The following CYSLTR2 variants were observed in gnomAD, a reference collection of about 807,000 sequenced individuals.
The protein encoded by CYSLTR2 is G-protein coupled receptor GPCR21.
For synonymous variants in CYSLTR2, 179 were observed against 160.8 expected (o/e 1.11, Z -0.86); for missense variants, 398 against 411.9 (o/e 0.97, Z 0.29).
chr13:48,698,364 T>G (rs376177837), intron 4 of CYSLTR2, among the ~76,000 whole-genome samples: 1 of 152,078 alleles, frequency 6.6e-6, no homozygotes, highest in South Asian at 2.1e-4. Context: ...GGGGGCCAAT[T>G]TTCAACATTC....
At chr13:48,673,342 C>T (rs1011383338) in intron 1 of CYSLTR2, among the ~76,000 whole-genome samples, 4 of 150,880 alleles carry the variant, frequency 2.7e-5, no homozygotes, top group African/African-American at 4.9e-5. Flanking sequence ...TTGCATTGAT[C>T]GCTTTATCAT....
chr13:48,706,523 A>C, intron 4 of CYSLTR2: 1 of 302,746 alleles, frequency 3.3e-6, no homozygotes, highest in Non-Finnish European at 6.1e-6. Context: ...TATCATAGTA[A>C]GGTATTCATG....
intron 1 of CYSLTR2, among the ~76,000 whole-genome samples, chr13:48,656,667 G>T (rs1293932142): frequency 6.6e-6 from 1 of 152,114 alleles, no homozygotes; most frequent in African/African-American, 2.4e-5. Context: ...GTACATGATG[G>T]TTACCTTGGG....
intron 4 of CYSLTR2, among the ~76,000 whole-genome samples, chr13:48,705,324 A>G (rs1468874891): frequency 6.6e-6 from 1 of 152,270 alleles, no homozygotes; most frequent in South Asian, 2.1e-4. Flanking sequence ...AGTGTTTGTT[A>G]TAGGCGGTAC....
At chr13:48,696,845 C>T (rs112006455) in intron 4 of CYSLTR2, among the ~76,000 whole-genome samples, 2,925 of 152,306 alleles carry the variant, frequency 0.019, 81 homozygotes, top group African/African-American at 0.06. Context: ...GATTATATCC[C>T]GCACATGGCT....
intron 3 of CYSLTR2, among the ~76,000 whole-genome samples, chr13:48,695,144 A>G (rs930819168): frequency 7.8e-6 from 1 of 128,784 alleles, no homozygotes; most frequent in Non-Finnish European, 1.6e-5. Context: ...GTGTGATCAC[A>G]GTTCACTTCA....
rs149867791 is a variant in CYSLTR2, at chr13:48,658,695, G to A, written c.-266+4678G>A. The stretch of plus-strand genomic sequence containing the variant: ...GAAACCTGAGACTGGGTAAGCAATA[G>A]CCAGGAAATGAGCTGGAGCTCAGAA... On this transcript the variant is annotated intron_variant, in intron 1 of 4. Transcript: ENST00000682523. Among the ~76,000 whole-genome samples the A allele has an allele frequency of 2.8e-3, 430 of 152,314 alleles. 1 individual carries two copies. Among genetic ancestry groups the A allele is most frequent in the Admixed American group, 4.7e-3 (72 of 15,300 alleles).
At chr13:48,682,025 C>T (rs1953769003) in intron 1 of CYSLTR2, among the ~76,000 whole-genome samples, 1 of 152,048 alleles carries the variant, frequency 6.6e-6, no homozygotes, top group Admixed American at 6.6e-5. Context: ...AATAAAAGGC[C>T]ATTTGTAATG....
chr13:48,689,753 T>C (rs987215738), intron 1 of CYSLTR2, among the ~76,000 whole-genome samples: 2 of 152,194 alleles, frequency 1.3e-5, no homozygotes, highest in African/African-American at 4.8e-5. Context: ...TTTGGTTCCA[T>C]ATGAAATTTA....
intron 1 of CYSLTR2, among the ~76,000 whole-genome samples, chr13:48,672,862 T>TG (rs1566087051): frequency 6.6e-6 from 1 of 152,106 alleles, no homozygotes; most frequent in Non-Finnish European, 1.5e-5. Flanking sequence ...GTGATCTGCC[T>TG]GCCTTGGCCT....
In CYSLTR2 at chr13:48,692,759, C is replaced by CTTAGATAT. The variant is rs1283254338; in HGVS notation, c.-175-676_-175-669dup. Among the ~76,000 whole-genome samples, 5 of 151,104 alleles carry CTTAGATAT rather than the reference C, an allele frequency of 3.3e-5. No homozygotes were observed. In the East Asian group the frequency reaches 9.8e-4, roughly 30 times the overall value. The stretch of plus-strand genomic sequence containing the variant: ...GAAAAAGGAGAGAAAACATGATTTA[C>CTTAGATAT]TTAGATATTTTTTGGTCTACTAGCA... On this transcript the variant is annotated intron_variant, in intron 2 of 4. Coordinates refer to ENST00000682523, the MANE Select transcript of CYSLTR2 (RefSeq NM_001308476.3).
At chr13:48,683,493 T>C (rs1953813779) in intron 1 of CYSLTR2, among the ~76,000 whole-genome samples, 1 of 151,566 alleles carries the variant, frequency 6.6e-6, no homozygotes, top group African/African-American at 2.4e-5. Flanking sequence ...GATATTGAGC[T>C]TTTTTTTCAT....
rs114387023 is a variant in CYSLTR2 at position 48,674,423 on chromosome 13, C to G, written c.-265-16789C>G. Among the ~76,000 whole-genome samples the G allele has an allele frequency of 5.8e-3, 882 of 152,240 alleles. 9 individuals are homozygous for G. The highest frequency in any genetic ancestry group is 0.02 in the African/African-American group (847 of 41,548). On this transcript the variant is annotated intron_variant, in intron 1 of 4. Transcript: ENST00000682523. ...CATTTGATCGATTCTGCTATTGATA[C>G]TTGTATATGCTTCATAAAGTTCTCG...
chr13:48,688,653 A>G (rs1394179189), intron 1 of CYSLTR2, among the ~76,000 whole-genome samples: 1 of 152,136 alleles, frequency 6.6e-6, no homozygotes, highest in Non-Finnish European at 1.5e-5. Flanking sequence ...TATCTAGTCT[A>G]TCATTGATGG....
In CYSLTR2 at chr13:48,680,795, CTTTTCTTTTT is replaced by C. The variant is rs1417968467; in HGVS notation, c.-265-10412_-265-10403del. 7.4e-3 allele frequency among the ~76,000 whole-genome samples: 816 copies of C among 110,554 alleles called. 2 individuals are homozygous for C. The highest frequency in any genetic ancestry group is 9.0e-3 in the Non-Finnish European group (509 of 56,362). 72.5% of individuals were successfully genotyped at this position (110,554 alleles called of 152,430 possible). ...TTCTTTTCTTTCTTTCTTTTCTTTT[CTTTTCTTTTT>C]TTTTTTTTTTTTTTTGCAGTCTAGT... On this transcript the variant is annotated intron_variant, in intron 1 of 4. Coordinates refer to ENST00000682523, the MANE Select transcript of CYSLTR2 (RefSeq NM_001308476.3).
intron 1 of CYSLTR2, among the ~76,000 whole-genome samples, chr13:48,657,285 A>T (rs1204445156): frequency 6.6e-6 from 1 of 152,232 alleles, no homozygotes; most frequent in Non-Finnish European, 1.5e-5. Context: ...TTTGACAAAG[A>T]AATCTAGTTA....
intron 1 of CYSLTR2, among the ~76,000 whole-genome samples, chr13:48,676,222 G>A (rs771096203): frequency 2.1e-4 from 32 of 152,292 alleles, no homozygotes; most frequent in Admixed American, 7.8e-4. Context: ...TGCTCTTTCT[G>A]CCATCTGTTC....
chr13:48,659,238 G>T lies in CYSLTR2; in HGVS notation c.-266+5221G>T, dbSNP rs1953069671. ...CCCCCATGCCACTGGCAGCAGGTGG[G>T]GTGGCAACAGGAATGACAATGCATG... On this transcript the variant is annotated intron_variant, in intron 1 of 4. Coordinates refer to ENST00000682523, the MANE Select transcript of CYSLTR2 (RefSeq NM_001308476.3). 1.3e-5 allele frequency among the ~76,000 whole-genome samples: 2 copies of T among 152,134 alleles called. 1 individual carries two copies. The highest frequency in any genetic ancestry group is 4.1e-4 in the South Asian group (2 of 4,832).
chr13:48,673,191 T>C (rs1323756543), intron 1 of CYSLTR2, among the ~76,000 whole-genome samples: 1 of 152,150 alleles, frequency 6.6e-6, no homozygotes, highest in Non-Finnish European at 1.5e-5. Flanking sequence ...ATCTTTCTAA[T>C]ATTGACAGTG....
Sources: gnomAD v4.1 joint callset for allele counts (sites outside exome capture counted in the v4.1 genomes callset) on GRCh38, gnomAD v4.1.1 for gene constraint, MANE v1.5 for transcripts, NCBI Gene and HGNC (gene_info 2026-07-23, HGNC 2026-07-21) for gene names.